Variants in EDEM3 observed in about 807,000 individuals in gnomAD.
EDEM3 encodes the protein ER degradation enhancing alpha-mannosidase like protein 3.
In EDEM3, 60 loss-of-function variants were observed where a neutral mutation model predicts 110.2. The observed-to-expected ratio is 0.54, with a 90% CI of 0.44 to 0.67. The LOEUF (loss-of-function observed/expected upper bound fraction) is 0.67. Among genes scored for constraint, EDEM3 ranks in the 30% least tolerant of loss-of-function variants. The pLI, the probability that EDEM3 is intolerant of heterozygous loss-of-function variation, is 0.00. For synonymous variants in EDEM3, 352 were observed against 382.9 expected, an observed-to-expected ratio of 0.92 and a Z score of 0.94; for missense variants, 996 against 1,121.0, an observed-to-expected ratio of 0.89 and a Z score of 1.59.
chr1:184,737,707 T>C lies in EDEM3; in HGVS notation c.209A>G (p.His70Arg), dbSNP rs747448781. The C allele has an allele frequency of 6.2e-6, 10 of 1,612,506 alleles. No homozygotes were observed. The East Asian group carries it at 6.7e-5, about 11-fold the overall frequency. Residue 70 changes from histidine (H) to arginine (R), a missense_variant, in exon 3 of 20, where the codon CAT becomes CGT. By Grantham distance (29) the His-to-Arg change is conservative (BLOSUM62 0). Transcript: ENST00000318130. Reference sequence around the variant, plus strand: ...CATGAGTTCATCAGCAGGGTAAGCATGTTCCTGCAAGGAAAACTTTAGTAA... The same window carrying C: ...CATGAGTTCATCAGCAGGGTAAGCACGTTCCTGCAAGGAAAACTTTAGTAA... ...FDHAYGNYME[H>R]AYPADELMPL...
chr1:184,749,756 G>C (rs374834221), intron 1 of EDEM3, among the ~76,000 whole-genome samples, 164 bp from the exon 2 acceptor site: 1 of 151,950 alleles, frequency 6.6e-6, no homozygotes, highest in African/African-American at 2.4e-5. Flanking sequence ...AACTACAACA[G>C]CTAGCAGACA....
intron 13 of EDEM3, among the ~76,000 whole-genome samples, chr1:184,716,667 C>G (rs1472230440): frequency 6.6e-6 from 1 of 152,102 alleles, no homozygotes; most frequent in Non-Finnish European, 1.5e-5. Flanking sequence ...ATTTAAAAAT[C>G]ATTTGAGCAC....
At chr1:184,700,909 G>A (rs1649584547) in intron 19 of EDEM3, among the ~76,000 whole-genome samples, 1 of 151,912 alleles carries the variant, frequency 6.6e-6, no homozygotes. Context: ...TACACAAAAA[G>A]GGGGCTTTTC....
intron 2 of EDEM3, among the ~76,000 whole-genome samples, chr1:184,744,036 T>C (rs559670114): frequency 6.6e-6 from 1 of 151,630 alleles, no homozygotes; most frequent in African/African-American, 2.4e-5. Flanking sequence ...AAATATTTTT[T>C]AGGTAGGCTA....
chr1:184,733,212 G>T (rs1042638343), intron 5 of EDEM3, among the ~76,000 whole-genome samples: 1 of 152,142 alleles, frequency 6.6e-6, no homozygotes, highest in Non-Finnish European at 1.5e-5. Flanking sequence ...GTTGTGAAGT[G>T]TTCTGCGTTC....
At chr1:184,698,581 C>T (rs1309725137) in intron 19 of EDEM3, among the ~76,000 whole-genome samples, 1 of 151,802 alleles carries the variant, frequency 6.6e-6, no homozygotes, top group Non-Finnish European at 1.5e-5. Context: ...AAAGATTACA[C>T]ATCAAACTGC....
chr1:184,742,640 C>T (rs960325192), intron 2 of EDEM3, among the ~76,000 whole-genome samples: 4 of 152,168 alleles, frequency 2.6e-5, no homozygotes, highest in Non-Finnish European at 4.4e-5. Context: ...CCACCTGCCT[C>T]GGCCTCCCAA....
At chr1:184,698,417 A>G (rs9661302) in intron 19 of EDEM3, among the ~76,000 whole-genome samples, 17,782 of 151,858 alleles carry the variant, frequency 0.12, 2,315 homozygotes, top group African/African-American at 0.32. Context: ...ATTATGGTAC[A>G]GTGATAATGC....
chr1:184,711,556 T>C (rs1040738850), intron 15 of EDEM3, among the ~76,000 whole-genome samples, 167 bp downstream of exon 15: 1 of 152,216 alleles, frequency 6.6e-6, no homozygotes, highest in Non-Finnish European at 1.5e-5. Flanking sequence ...TAAGCTTTAC[T>C]ATCTAACTTT....
intron 1 of EDEM3, among the ~76,000 whole-genome samples, chr1:184,753,163 A>G (rs1026081692): frequency 1.3e-5 from 2 of 152,024 alleles, no homozygotes; most frequent in African/African-American, 2.4e-5. Flanking sequence ...GCCTAACCCC[A>G]TGAGATAATC....
At chr1:184,709,319 T>A (rs1388527369) in intron 16 of EDEM3, among the ~76,000 whole-genome samples, 1 of 152,158 alleles carries the variant, frequency 6.6e-6, no homozygotes, top group Non-Finnish European at 1.5e-5. Flanking sequence ...TTCACATACA[T>A]AGCTAAGAAG....
At chr1:184,711,224 G>A (rs546582207) in intron 15 of EDEM3, among the ~76,000 whole-genome samples, 34 of 151,950 alleles carry the variant, frequency 2.2e-4, no homozygotes, top group Middle Eastern at 3.4e-3. Context: ...TCAGCTTCCC[G>A]AGTAGCTGGG....
At position 184,691,315 on chromosome 1, in the gene EDEM3, C is replaced by T. The variant is rs545750889; in HGVS notation, c.*2748G>A. On this transcript the variant is annotated 3_prime_UTR_variant, in exon 20 of 20. Transcript: ENST00000318130. ...ATGAACTTTTATATGCAGAAAAAAA[C>T]TAGCTATTTTATTTTTAGTAGGTAA... is the stretch of plus-strand genomic sequence containing the variant. The T allele has an allele frequency of 1.6e-4, 24 of 152,482 alleles. No individual in the cohort carries two copies. The East Asian group carries it at 3.9e-3, about 24-fold the overall frequency. The allele number at this position is 152,482 out of a possible 1,614,324, so 9.4% of individuals were successfully genotyped here.
At chr1:184,720,339 G>A (rs756764623) in intron 9 of EDEM3, among the ~76,000 whole-genome samples, 3 of 151,854 alleles carry the variant, frequency 2.0e-5, no homozygotes, top group South Asian at 4.2e-4. Context: ...TAAAGGCACT[G>A]CTCTAATCAC....
At chr1:184,736,029 C>T (rs1651803019) in intron 4 of EDEM3, among the ~76,000 whole-genome samples, 2 of 152,064 alleles carry the variant, frequency 1.3e-5, no homozygotes, top group African/African-American at 4.8e-5. Flanking sequence ...TTCCATTAAT[C>T]TCCAAAAAAT....
chr1:184,754,349 ACC>A, intron 1 of EDEM3, 138 bp downstream of exon 1: 1 of 1,348,982 alleles, frequency 7.4e-7, no homozygotes, highest in Non-Finnish European at 9.9e-7. Context: ...GACCCTGTCC[ACC>A]CCTCTAGGGT....
chr1:184,708,988 G>GA (rs1415032168), intron 16 of EDEM3, among the ~76,000 whole-genome samples: 3 of 151,788 alleles, frequency 2.0e-5, no homozygotes, highest in Non-Finnish European at 2.9e-5. Flanking sequence ...GACTATAATA[G>GA]AAAAAAATAA....
chr1:184,704,058 T>C (rs182475843), intron 18 of EDEM3, among the ~76,000 whole-genome samples: 51 of 152,318 alleles, frequency 3.3e-4, no homozygotes, highest in Admixed American at 2.7e-3. Flanking sequence ...TTCACTATCA[T>C]GGATCCTGGT....
Position 184,745,757 on chromosome 1 carries a change from A to C in EDEM3, c.204+3790T>G, listed in dbSNP as rs140248193. 3.1e-3 allele frequency among the ~76,000 whole-genome samples: 479 copies of C among 152,240 alleles called. 1 individual carries two copies. The highest frequency in any genetic ancestry group is 0.011 in the African/African-American group (447 of 41,554). Reference sequence around the variant, plus strand: ...GTGGTTATTAGGTACGATTCTACTAAAGGAAATTGTGCTTACCAACTCTAT... The same window carrying C: ...GTGGTTATTAGGTACGATTCTACTACAGGAAATTGTGCTTACCAACTCTAT... On this transcript the variant is annotated intron_variant, in intron 2 of 19. Transcript: ENST00000318130.
Sources: allele counts gnomAD v4.1 joint callset (sites outside exome capture counted in the v4.1 genomes callset), GRCh38; gene constraint gnomAD v4.1.1; transcripts MANE v1.5; gene names NCBI Gene and HGNC (gene_info 2026-07-23, HGNC 2026-07-21).